CCDC7: variants seen among roughly 807,000 people sequenced by gnomAD.
CCDC7 encodes coiled-coil domain containing 7, also known as coiled-coil domain-containing protein 7.
Under a neutral mutation model 196.9 loss-of-function variants are expected in CCDC7, and 183 were observed. The ratio of observed to expected loss-of-function variants is 0.93; its 90% CI spans 0.82 to 1.05. The LOEUF is 1.05. Ranked by LOEUF, CCDC7 falls within the 50% of genes least tolerant of loss-of-function variation. The pLI is 0.00. For missense variants in CCDC7, 1,540 were observed against 1,482.2 expected, an observed-to-expected ratio of 1.04 and a Z score of -0.64; for synonymous variants, 525 against 484.6, an observed-to-expected ratio of 1.08 and a Z score of -1.10.
intron 20 of CCDC7, among the ~76,000 whole-genome samples, chr10:32,645,378 G>A (rs1028717832): frequency 5.9e-5 from 9 of 151,980 alleles, no homozygotes; most frequent in African/African-American, 1.4e-4. Flanking sequence ...AATCCCACTC[G>A]ATCATGGTAA....
chr10:32,471,145 AG>A lies in CCDC7; in HGVS notation c.594del (p.Arg198SerfsTer9). 1 of 1,612,824 alleles carries A rather than the reference AG, an allele frequency of 6.2e-7. No individual in the cohort carries two copies. Among genetic ancestry groups the A allele is most frequent in the Non-Finnish European group, 8.5e-7 (1 of 1,179,362 alleles). On this transcript the variant is annotated frameshift_variant, in exon 6 of 42. Transcript: ENST00000639629. LOFTEE classifies it high-confidence loss of function. ...CATTTTAAATATTGCAGAAATAGTA[AG>A]GCTTGTACAAAGATTTGAAGAACTG...
intron 24 of CCDC7, among the ~76,000 whole-genome samples, chr10:32,706,679 A>G (rs70941626): frequency 6.6e-6 from 1 of 150,716 alleles, no homozygotes; most frequent in Non-Finnish European, 1.5e-5. Flanking sequence ...CCATCAGAGA[A>G]TACTGTAAAC....
intron 28 of CCDC7, among the ~76,000 whole-genome samples, chr10:32,752,604 TA>T (rs1220017946): frequency 5.9e-5 from 9 of 152,058 alleles, no homozygotes; most frequent in Non-Finnish European, 1.0e-4. Context: ...GCTTAATATA[TA>T]AAATAGGACA....
At chr10:32,579,317 T>C (rs913556537) in intron 16 of CCDC7, among the ~76,000 whole-genome samples, 2 of 152,198 alleles carry the variant, frequency 1.3e-5, no homozygotes, top group African/African-American at 2.4e-5. Flanking sequence ...TATTTTTATG[T>C]TTCTTGTATG....
intron 16 of CCDC7, among the ~76,000 whole-genome samples, chr10:32,577,761 A>G (rs368002259): frequency 6.6e-6 from 1 of 152,126 alleles, no homozygotes; most frequent in Non-Finnish European, 1.5e-5. Flanking sequence ...TCTAAGGTCT[A>G]ATTGATTGGA....
chr10:32,777,460 G>A (rs2080256403), intron 28 of CCDC7, among the ~76,000 whole-genome samples: 1 of 152,174 alleles, frequency 6.6e-6, no homozygotes, highest in Admixed American at 6.5e-5. Context: ...TCTCCAAACT[G>A]CTCTCCAAGT....
intron 24 of CCDC7, among the ~76,000 whole-genome samples, chr10:32,706,662 C>A (rs1378813191): frequency 6.6e-6 from 1 of 150,658 alleles, no homozygotes; most frequent in African/African-American, 2.4e-5. Flanking sequence ...CACAGAAATA[C>A]AAACTACCAT....
intron 24 of CCDC7, among the ~76,000 whole-genome samples, chr10:32,702,699 T>C (rs999416828): frequency 9.2e-5 from 14 of 152,206 alleles, no homozygotes; most frequent in Admixed American, 7.2e-4. Context: ...TGAATCTGGG[T>C]GCTCCTGTAT....
chr10:32,820,079 T>C (rs1055802445), intron 31 of CCDC7, among the ~76,000 whole-genome samples: 7 of 152,204 alleles, frequency 4.6e-5, no homozygotes, highest in African/African-American at 1.4e-4. Context: ...ACTGTCTCAG[T>C]CCAAAATCTC....
intron 18 of CCDC7, among the ~76,000 whole-genome samples, chr10:32,623,322 G>C (rs1459210272): frequency 6.6e-6 from 1 of 151,958 alleles, no homozygotes; most frequent in East Asian, 1.9e-4. Context: ...GATCTTTATT[G>C]CAGTTGGATT....
intron 24 of CCDC7, among the ~76,000 whole-genome samples, chr10:32,711,262 A>G (rs2080793302): frequency 6.6e-6 from 1 of 151,942 alleles, no homozygotes; most frequent in Non-Finnish European, 1.5e-5. Flanking sequence ...AAAAATCTCA[A>G]TGGTTTTGAA....
chr10:32,614,746 C>T (rs997455987), intron 18 of CCDC7, among the ~76,000 whole-genome samples: 4 of 152,146 alleles, frequency 2.6e-5, no homozygotes, highest in Non-Finnish European at 4.4e-5. Flanking sequence ...CAGGGTGGAA[C>T]CACCCACCTT....
chr10:32,454,739 C>G (rs2033928837), intron 2 of CCDC7, among the ~76,000 whole-genome samples: 1 of 152,160 alleles, frequency 6.6e-6, no homozygotes, highest in South Asian at 2.1e-4. Flanking sequence ...ACATCAACCA[C>G]TAATGGACAA....
intron 8 of CCDC7, among the ~76,000 whole-genome samples, chr10:32,484,168 T>C (rs2040533649): frequency 6.6e-6 from 1 of 152,192 alleles, no homozygotes; most frequent in Admixed American, 6.5e-5. Flanking sequence ...CTCTTTTATT[T>C]CACTGAGCAG....
At chr10:32,614,426 G>A (rs529419962) in intron 18 of CCDC7, among the ~76,000 whole-genome samples, 1 of 151,878 alleles carries the variant, frequency 6.6e-6, no homozygotes, top group Non-Finnish European at 1.5e-5. Context: ...TTTCATTGGG[G>A]CATTTAGCCT....
chr10:32,597,614 A>T (rs1042898045), intron 18 of CCDC7, among the ~76,000 whole-genome samples: 3 of 152,182 alleles, frequency 2.0e-5, no homozygotes, highest in Non-Finnish European at 4.4e-5. Flanking sequence ...TTTTTAGAAT[A>T]TTCAGCTTTT....
At chr10:32,491,142 A>T (rs2990980) in intron 8 of CCDC7, among the ~76,000 whole-genome samples, 59,786 of 151,884 alleles carry the variant, frequency 0.39, 11,990 homozygotes, top group East Asian at 0.58. Context: ...TTCTACTTTA[A>T]CTTCTCAGCT....
chr10:32,743,140 TATATGGA>T (rs1472130103), intron 28 of CCDC7, among the ~76,000 whole-genome samples: 2 of 152,224 alleles, frequency 1.3e-5, no homozygotes, highest in African/African-American at 4.8e-5. Flanking sequence ...TGCAGGTTTG[TATATGGA>T]CATGTTTTCA....
chr10:32,779,997 C>T (rs971218153), intron 29 of CCDC7, among the ~76,000 whole-genome samples: 2 of 152,080 alleles, frequency 1.3e-5, no homozygotes, highest in African/African-American at 2.4e-5. Flanking sequence ...CCAAGCACTT[C>T]GGGAGGCTAG....
Sources: allele counts gnomAD v4.1 joint callset (sites outside exome capture counted in the v4.1 genomes callset), GRCh38; gene constraint gnomAD v4.1.1; transcripts MANE v1.5; gene names NCBI Gene and HGNC (gene_info 2026-07-23, HGNC 2026-07-21).